The following ELMO1 variants were observed in gnomAD, a reference collection of about 807,000 sequenced individuals.
ELMO1 encodes engulfment and cell motility protein 1.
ELMO1 carries 26 observed loss-of-function variants against 98.9 expected under a neutral mutation model. The ratio of observed to expected loss-of-function variants is 0.26; its 90% CI spans 0.19 to 0.36. The LOEUF (loss-of-function observed/expected upper bound fraction) is 0.36, where lower values mean the gene tolerates loss of function less well. Ranked by LOEUF, ELMO1 falls within the 10% of genes least tolerant of loss-of-function variation. The pLI is 1.00. For synonymous variants in ELMO1, 346 were observed against 346.0 expected, an observed-to-expected ratio of 1.00 and a Z score of 0.00; for missense variants, 627 against 935.2, an observed-to-expected ratio of 0.67 and a Z score of 4.30.
chr7:37,324,109 C>T (rs1483269393), intron 2 of ELMO1, among the ~76,000 whole-genome samples: 3 of 152,172 alleles, frequency 2.0e-5, no homozygotes, highest in African/African-American at 7.2e-5. Context: ...CATCAGAGCC[C>T]CTCCCTGCCC....
intron 1 of ELMO1, among the ~76,000 whole-genome samples, chr7:37,350,624 G>A (rs1001708856): frequency 5.9e-5 from 9 of 152,160 alleles, no homozygotes; most frequent in African/African-American, 1.7e-4. Context: ...AATCCTCTCA[G>A]GTTGATAGAG....
chr7:37,192,834 G>A (rs1791685634), intron 13 of ELMO1, among the ~76,000 whole-genome samples: 3 of 142,952 alleles, frequency 2.1e-5, no homozygotes, highest in Admixed American at 7.1e-5. Flanking sequence ...GTGTATATAT[G>A]TATATATGAC....
chr7:37,191,679 G>C (rs1252966980), intron 13 of ELMO1, among the ~76,000 whole-genome samples: 5 of 152,198 alleles, frequency 3.3e-5, no homozygotes, highest in Non-Finnish European at 7.4e-5. Flanking sequence ...CAGCACTTTG[G>C]GAGGCCAGGG....
intron 16 of ELMO1, among the ~76,000 whole-genome samples, chr7:36,910,746 T>A (rs1784289444): frequency 6.6e-6 from 1 of 152,152 alleles, no homozygotes; most frequent in African/African-American, 2.4e-5. Flanking sequence ...TAGGACCAGA[T>A]ATAAACGATG....
rs149874314 is a variant in ELMO1 at position 37,195,461 on chromosome 7, C to T, written c.1086+15925G>A. Among the ~76,000 whole-genome samples, 1,520 of 152,310 alleles carry T rather than the reference C, an allele frequency of 1.0e-2. 10 individuals carry two copies. The highest frequency in any genetic ancestry group is 0.017 in the Non-Finnish European group (1,159 of 68,022). On this transcript the variant is annotated intron_variant, in intron 13 of 21. Transcript: ENST00000310758. Reference sequence around the variant, plus strand: ...ACTATCAAAGTGCTCTACAGGTGACCGATGGGACGCCATTCTACAGTGAGC... The same window carrying T: ...ACTATCAAAGTGCTCTACAGGTGACTGATGGGACGCCATTCTACAGTGAGC...
chr7:37,170,204 G>A (rs1050141757), intron 13 of ELMO1, among the ~76,000 whole-genome samples: 10 of 152,140 alleles, frequency 6.6e-5, no homozygotes, highest in African/African-American at 9.7e-5. Context: ...CGCGCCTGGC[G>A]CAGATGCACA....
intron 15 of ELMO1, among the ~76,000 whole-genome samples, chr7:37,040,094 T>G (rs1420146865): frequency 6.6e-6 from 1 of 152,060 alleles, no homozygotes; most frequent in Non-Finnish European, 1.5e-5. Context: ...GGGGCTAGTG[T>G]GACTAAGGAA....
chr7:36,951,231 C>T (rs1429622867), intron 16 of ELMO1, among the ~76,000 whole-genome samples: 1 of 152,142 alleles, frequency 6.6e-6, no homozygotes, highest in African/African-American at 2.4e-5. Flanking sequence ...GAGTCCAGAT[C>T]AGTGCAAGGC....
chr7:37,274,950 G>T (rs1796753153), intron 4 of ELMO1, among the ~76,000 whole-genome samples: 1 of 152,214 alleles, frequency 6.6e-6, no homozygotes. Flanking sequence ...ACTGGGCTCG[G>T]AGTTTTTGTT....
intron 20 of ELMO1, among the ~76,000 whole-genome samples, chr7:36,863,370 C>G (rs1584266720): frequency 6.6e-6 from 1 of 152,240 alleles, no homozygotes; most frequent in Admixed American, 6.5e-5. Flanking sequence ...AACCATCTCT[C>G]TTGGGCCTTT....
chr7:36,866,663 C>T (rs2129037404), intron 20 of ELMO1, among the ~76,000 whole-genome samples: 1 of 152,312 alleles, frequency 6.6e-6, no homozygotes. Flanking sequence ...GTTTGCCTTG[C>T]TCGGTGATTA....
chr7:37,291,835 A>C (rs2130955284), intron 4 of ELMO1, among the ~76,000 whole-genome samples: 1 of 152,178 alleles, frequency 6.6e-6, no homozygotes, highest in Middle Eastern at 3.4e-3. Flanking sequence ...GAATAGCTTG[A>C]ACCCGGGAAG....
chr7:37,224,775 T>C, intron 9 of ELMO1, 104 bp downstream of exon 9: 1 of 1,478,264 alleles, frequency 6.8e-7, no homozygotes, highest in Non-Finnish European at 9.1e-7. Context: ...ATTCTTTTTC[T>C]GTACATTTAA....
intron 1 of ELMO1, among the ~76,000 whole-genome samples, chr7:37,367,377 T>C (rs1343573805): frequency 6.6e-6 from 1 of 152,142 alleles, no homozygotes; most frequent in Non-Finnish European, 1.5e-5. Flanking sequence ...CACTCTGGAG[T>C]GTAAACTCTA....
At chr7:37,102,136 C>T (rs1784680079) in intron 14 of ELMO1, among the ~76,000 whole-genome samples, 1 of 152,098 alleles carries the variant, frequency 6.6e-6, no homozygotes, top group Admixed American at 6.5e-5. Flanking sequence ...AGATCATATC[C>T]CAAGACCCAG....
chr7:37,292,789 T>TG (rs1358580564), intron 4 of ELMO1, among the ~76,000 whole-genome samples: 4 of 58,064 alleles, frequency 6.9e-5, no homozygotes, highest in East Asian at 5.2e-4. Flanking sequence ...GGGAGGGAGG[T>TG]GGGGGGGTCA....
At chr7:37,437,002 C>T (rs1805178670) in intron 1 of ELMO1, among the ~76,000 whole-genome samples, 1 of 152,148 alleles carries the variant, frequency 6.6e-6, no homozygotes, top group South Asian at 2.1e-4. Context: ...ACCCACCTGC[C>T]AATGAACATT....
At chr7:36,873,876 A>C (rs1803737118) in intron 19 of ELMO1, among the ~76,000 whole-genome samples, 1 of 152,252 alleles carries the variant, frequency 6.6e-6, no homozygotes, top group Non-Finnish European at 1.5e-5. Context: ...AGTGAGATCC[A>C]AGTTCAGGCA....
At chr7:37,101,294 T>C (rs1403878423) in intron 14 of ELMO1, among the ~76,000 whole-genome samples, 7 of 152,242 alleles carry the variant, frequency 4.6e-5, no homozygotes, top group African/African-American at 1.7e-4. Context: ...CCCGCAGGAA[T>C]GCAGGGTGAC....
Sources: gnomAD v4.1 joint callset for allele counts (sites outside exome capture counted in the v4.1 genomes callset) on GRCh38, gnomAD v4.1.1 for gene constraint, MANE v1.5 for transcripts, NCBI Gene and HGNC (gene_info 2026-07-23, HGNC 2026-07-21) for gene names.